The following CBX7 variants were observed in gnomAD, a reference collection of about 807,000 sequenced individuals.
CBX7 encodes the protein chromobox protein homolog 7.
In CBX7, 14 loss-of-function variants were observed where a neutral mutation model predicts 31.4. The ratio of observed to expected loss-of-function variants is 0.45; its 90% CI spans 0.29 to 0.70. The LOEUF (loss-of-function observed/expected upper bound fraction) is 0.70. Among genes scored for constraint, CBX7 ranks in the 30% least tolerant of loss-of-function variants. The pLI, the probability that CBX7 is intolerant of heterozygous loss-of-function variation, is 0.11. For synonymous variants in CBX7, 159 were observed against 152.6 expected (o/e 1.04, Z -0.31); for missense variants, 269 against 351.9 (o/e 0.76, Z 1.89).
At chr22:39,138,758 AG>A in intron 3 of CBX7, 56 bp from the exon 4 acceptor site, 1 of 1,536,928 alleles carries the variant, frequency 6.5e-7, no homozygotes, top group South Asian at 1.1e-5. Context: ...ATCTAAGGGA[AG>A]GGAAGGCATC....
chr22:39,151,767 A>G (rs1281693046), intron 1 of CBX7, among the ~76,000 whole-genome samples: 1 of 143,990 alleles, frequency 6.9e-6, no homozygotes, highest in Non-Finnish European at 1.5e-5. Context: ...GTTTTGAAGA[A>G]GGCAGATGGG....
chr22:39,138,987 T>A (rs1336800912), intron 3 of CBX7, among the ~76,000 whole-genome samples: 1 of 152,190 alleles, frequency 6.6e-6, no homozygotes, highest in Non-Finnish European at 1.5e-5. Context: ...TCCAGGGCCA[T>A]GTGCGGGCTC....
chr22:39,146,790 C>T (rs1930675865), intron 2 of CBX7, among the ~76,000 whole-genome samples: 1 of 152,190 alleles, frequency 6.6e-6, no homozygotes, highest in Non-Finnish European at 1.5e-5. Context: ...TCCATAGGGC[C>T]ACTCCTTCCA....
intron 1 of CBX7, among the ~76,000 whole-genome samples, chr22:39,151,231 C>T (rs1930839403): frequency 6.6e-6 from 1 of 152,130 alleles, no homozygotes; most frequent in South Asian, 2.1e-4. Flanking sequence ...GGAGAAAACC[C>T]TAGGAAAAAG....
At chr22:39,141,278 T>C (rs890933771) in intron 3 of CBX7, 93 bp downstream of exon 3, 9 of 1,122,424 alleles carry the variant, frequency 8.0e-6, no homozygotes, top group Middle Eastern at 2.0e-4. Flanking sequence ...ACCCCTGCCC[T>C]GCCCCAACAA....
intron 2 of CBX7, among the ~76,000 whole-genome samples, chr22:39,145,219 G>A (rs1480176375): frequency 6.6e-6 from 1 of 152,220 alleles, no homozygotes; most frequent in Admixed American, 6.5e-5. Context: ...CCCAAGTGGG[G>A]GGCAGGGGCG....
chr22:39,134,186 G>T, intron 5 of CBX7, 138 bp from the exon 6 acceptor site: 1 of 973,170 alleles, frequency 1.0e-6, no homozygotes, highest in Non-Finnish European at 1.5e-6. Context: ...CTGGACACTT[G>T]GGAGGAGGGC....
chr22:39,149,579 T>C, intron 2 of CBX7: 1 of 580,076 alleles, frequency 1.7e-6, no homozygotes, highest in East Asian at 2.9e-5. Context: ...GAGGGCAGGG[T>C]GAGAAGAGAA....
chr22:39,144,705 G>A (rs1383760393), intron 2 of CBX7, among the ~76,000 whole-genome samples: 1 of 152,136 alleles, frequency 6.6e-6, no homozygotes, highest in East Asian at 1.9e-4. Flanking sequence ...CCTCCACACC[G>A]CCCTGCCCAT....
chr22:39,138,031 T>A (rs561557104), intron 4 of CBX7, among the ~76,000 whole-genome samples: 1 of 151,866 alleles, frequency 6.6e-6, no homozygotes, highest in South Asian at 2.1e-4. Flanking sequence ...AATACAAAAA[T>A]TTAGCCAGGC....
intron 2 of CBX7, chr22:39,148,789 T>C (rs1314017292): frequency 6.6e-6 from 1 of 152,336 alleles, no homozygotes; most frequent in Non-Finnish European, 1.5e-5. Context: ...CCTGGGTTTC[T>C]GAACCCATTT....
At chr22:39,141,462 G>A in intron 2 of CBX7, 26 bp from the exon 3 acceptor site, 2 of 1,604,166 alleles carry the variant, frequency 1.2e-6, no homozygotes, top group Non-Finnish European at 1.7e-6. Flanking sequence ...AAAGGTCAGA[G>A]TTGGGGCTGG....
intron 3 of CBX7, among the ~76,000 whole-genome samples, chr22:39,140,251 A>T (rs1304590277): frequency 6.6e-6 from 1 of 152,122 alleles, no homozygotes; most frequent in Non-Finnish European, 1.5e-5. Flanking sequence ...CAGGACACCA[A>T]CGGACCAAAG....
chr22:39,145,899 G>C (rs1202873132), intron 2 of CBX7, among the ~76,000 whole-genome samples: 1 of 151,896 alleles, frequency 6.6e-6, no homozygotes, highest in East Asian at 1.9e-4. Flanking sequence ...GGGGCGCAGC[G>C]GGTGCAGGAC....
intron 4 of CBX7, among the ~76,000 whole-genome samples, chr22:39,137,082 T>C (rs1930279962): frequency 6.6e-6 from 1 of 152,166 alleles, no homozygotes; most frequent in Admixed American, 6.5e-5. Context: ...ATTCTCTTCA[T>C]ACCCATTTTA....
chr22:39,149,905 C>A (rs960068335), intron 1 of CBX7, 73 bp from the exon 2 acceptor site: 13 of 1,149,228 alleles, frequency 1.1e-5, no homozygotes, highest in Non-Finnish European at 1.7e-5. Flanking sequence ...ACAGTTAAGG[C>A]CCAAAGGAGC....
chr22:39,146,681 G>A (rs1033746611), intron 2 of CBX7, among the ~76,000 whole-genome samples: 2 of 152,240 alleles, frequency 1.3e-5, no homozygotes, highest in African/African-American at 4.8e-5. Context: ...TCTGTAAAAT[G>A]GGTTGCTATG....
intron 4 of CBX7, chr22:39,135,010 A>C: frequency 2.2e-6 from 1 of 453,806 alleles, no homozygotes; most frequent in Non-Finnish European, 3.9e-6. Flanking sequence ...CTCCTTTGAT[A>C]CCCAGCAGAG....
At chr22:39,151,042 C>T (rs999175444) in intron 1 of CBX7, among the ~76,000 whole-genome samples, 1 of 152,178 alleles carries the variant, frequency 6.6e-6, no homozygotes, top group African/African-American at 2.4e-5. Context: ...TAGACTGGTG[C>T]CTGGTACCTG....
Sources: allele counts gnomAD v4.1 joint callset (sites outside exome capture counted in the v4.1 genomes callset), GRCh38; gene constraint gnomAD v4.1.1; transcripts MANE v1.5; gene names NCBI Gene and HGNC (gene_info 2026-07-23, HGNC 2026-07-21).